Variants in ARL8B observed in about 807,000 individuals in gnomAD.
ARL8B encodes ARF like GTPase 8B, also known as ADP-ribosylation factor-like protein 8B.
A neutral mutation model predicts 30.6 loss-of-function variants in ARL8B; 9 were observed. That is an observed-to-expected ratio of 0.29 (90% confidence interval 0.18 to 0.51). ARL8B has a LOEUF of 0.51. Among genes scored for constraint, ARL8B ranks in the 20% least tolerant of loss-of-function variants. ARL8B has a pLI of 0.97. For missense variants in ARL8B, 130 were observed against 227.2 expected (o/e 0.57, Z 2.75); for synonymous variants, 74 against 76.0 (o/e 0.97, Z 0.14).
intron 1 of ARL8B, among the ~76,000 whole-genome samples, chr3:5,133,322 G>C (rs373456216): frequency 9.2e-5 from 14 of 152,182 alleles, no homozygotes; most frequent in African/African-American, 3.4e-4. Flanking sequence ...CTGTGTTTCC[G>C]AAGGATTAAT....
chr3:5,171,568 G>C (rs1020721777), intron 2 of ARL8B, among the ~76,000 whole-genome samples: 1 of 151,976 alleles, frequency 6.6e-6, no homozygotes, highest in Non-Finnish European at 1.5e-5. Flanking sequence ...GGCTGGTCTC[G>C]AACTCCTGAC....
chr3:5,161,966 A>C (rs1054407267), intron 1 of ARL8B, among the ~76,000 whole-genome samples: 2 of 152,208 alleles, frequency 1.3e-5, no homozygotes, highest in Non-Finnish European at 2.9e-5. Flanking sequence ...AAGTGAGTAC[A>C]TAGAGGCAGA....
At chr3:5,138,519 G>A (rs369127214) in intron 1 of ARL8B, among the ~76,000 whole-genome samples, 1 of 152,120 alleles carries the variant, frequency 6.6e-6, no homozygotes, top group South Asian at 2.1e-4. Flanking sequence ...AATGAGTAAT[G>A]CTGAGCTATT....
chr3:5,148,010 G>T (rs1050027093), intron 1 of ARL8B, among the ~76,000 whole-genome samples: 1 of 151,554 alleles, frequency 6.6e-6, no homozygotes. Context: ...CCCATTTGGG[G>T]TCAACGTTTG....
At chr3:5,152,522 G>C (rs767858486) in intron 1 of ARL8B, among the ~76,000 whole-genome samples, 29 of 152,132 alleles carry the variant, frequency 1.9e-4, no homozygotes, top group Non-Finnish European at 4.1e-4. Flanking sequence ...TTCTTGCTCT[G>C]TTGCCAGGCT....
chr3:5,179,505 A>G lies in ARL8B; in HGVS notation c.*792A>G, dbSNP rs1042255442. Reference sequence around the variant, plus strand: ...CAGGATACTTTTTTAAGGGGTTGAGAATTGAAGATTTTCCAAAAGCGTTCA... The same window carrying G: ...CAGGATACTTTTTTAAGGGGTTGAGGATTGAAGATTTTCCAAAAGCGTTCA... On this transcript the variant is annotated 3_prime_UTR_variant, in exon 7 of 7. Transcript: ENST00000256496. 1.3e-5 allele frequency: 2 copies of G among 152,546 alleles called. No homozygotes were observed. The highest frequency in any genetic ancestry group is 3.9e-4 in the East Asian group (2 of 5,174). The allele number at this position is 152,546 out of a possible 1,614,324, so 9.4% of individuals were successfully genotyped here.
Position 5,179,889 on chromosome 3 carries a change from G to A in ARL8B, c.*1176G>A, listed in dbSNP as rs1037057754. ...TCACACAGAGAACTGAGGAACTGAT[G>A]CTGTTTGTTTGCTTCTATGATACAG... On this transcript the variant is annotated 3_prime_UTR_variant, in exon 7 of 7. Transcript: ENST00000256496. 2 of 152,520 alleles carry A rather than the reference G, an allele frequency of 1.3e-5. No individual in the cohort carries two copies. Among genetic ancestry groups the A allele is most frequent in the Non-Finnish European group, 2.9e-5 (2 of 68,028 alleles). 9.4% of individuals were successfully genotyped at this position (152,520 alleles called of 1,614,324 possible). A position where few individuals can be genotyped will look rare whatever the true frequency, so the allele number is the denominator to read the frequency against.
Position 5,165,461 on chromosome 3 carries a change from T to C in ARL8B, c.124-5042T>C, listed in dbSNP as rs115159003. Among the ~76,000 whole-genome samples the C allele has an allele frequency of 9.1e-3, 1,387 of 152,266 alleles. 18 individuals carry two copies. Among genetic ancestry groups the C allele is most frequent in the African/African-American group, 0.031 (1,295 of 41,544 alleles). On this transcript the variant is annotated intron_variant, in intron 1 of 6. Coordinates refer to ENST00000256496, the MANE Select transcript of ARL8B (RefSeq NM_018184.3). ...GTCATATCCTCTCGTTTGCCCAGTG[T>C]GTGAATTTTGGAATTAAACAATTGA... is the stretch of plus-strand genomic sequence containing the variant.
Position 5,122,548 on chromosome 3 carries a change from T to G in ARL8B, c.83T>G (p.Leu28Arg). 1 of 1,612,366 alleles carries G rather than the reference T, an allele frequency of 6.2e-7. No individual in the cohort carries two copies. The highest frequency in any genetic ancestry group is 8.5e-7 in the Non-Finnish European group (1 of 1,179,278). The change falls in exon 1 of 7, where the codon CTG becomes CGG. Residue 28 changes from leucine (L) to arginine (R), a missense_variant. Transcript: ENST00000256496. ...KEEMELTLVG[L>R]QYSGKTTFVN... is the part of the protein sequence containing the mutation. ...GAGATGGAGCTGACGCTCGTGGGGC[T>G]GCAGTACTCGGGCAAGACCACCTTC...
In ARL8B at chr3:5,178,651, C is replaced by T. The variant is rs1367324989; in HGVS notation, c.512-13C>T. On this transcript the variant is annotated splice_polypyrimidine_tract_variant and intron_variant, in intron 6 of 6. Transcript: ENST00000256496. ...TTAACTTTAATGTCTTCACTTTTCC[C>T]CTCTATCTTTAGATATCACACTTCA... The T allele has an allele frequency of 2.5e-6, 4 of 1,595,148 alleles. No individual in the cohort carries two copies. The highest frequency in any genetic ancestry group is 2.7e-5 in the African/African-American group (2 of 73,882).
At chr3:5,169,740 TTTTCACATATA>T (rs1205708442) in intron 1 of ARL8B, among the ~76,000 whole-genome samples, 4 of 152,218 alleles carry the variant, frequency 2.6e-5, no homozygotes, top group Non-Finnish European at 5.9e-5. Flanking sequence ...AATGACTAGA[TTTTCACATATA>T]ATCACATATG....
intron 1 of ARL8B, among the ~76,000 whole-genome samples, chr3:5,141,507 A>G (rs1230323457): frequency 2.0e-5 from 3 of 152,198 alleles, no homozygotes; most frequent in Admixed American, 1.3e-4. Context: ...AAGTAATACT[A>G]CATCCCACTG....
At chr3:5,159,089 C>T (rs1047600674) in intron 1 of ARL8B, among the ~76,000 whole-genome samples, 1 of 150,186 alleles carries the variant, frequency 6.7e-6, no homozygotes, top group South Asian at 2.1e-4. Context: ...CAAAACCCTA[C>T]ATGCGGGCAT....
Position 5,122,610 on chromosome 3 carries a change from C to T in ARL8B, c.123+22C>T, listed in dbSNP as rs1181253334. 10 of 1,584,648 alleles carry T rather than the reference C, an allele frequency of 6.3e-6. No individual in the cohort carries two copies. The South Asian group carries it at 9.1e-5, about 14-fold the overall frequency. ...CGCGGTGAGCGCCCGCCCACTCACTCGCCCGGGGCTCCGCAGCCAGGAGTC... is the reference window on the plus strand; with the variant it reads ...CGCGGTGAGCGCCCGCCCACTCACTTGCCCGGGGCTCCGCAGCCAGGAGTC... On this transcript the variant is annotated intron_variant, in intron 1 of 6. Transcript: ENST00000256496.
At chr3:5,126,977 G>A (rs114835540) in intron 1 of ARL8B, among the ~76,000 whole-genome samples, 3,334 of 152,250 alleles carry the variant, frequency 0.022, 67 homozygotes, top group Non-Finnish European at 0.034. Flanking sequence ...TTTTTAAATG[G>A]AAGTATAAAA....
chr3:5,151,728 C>CT (rs1317888728), intron 1 of ARL8B, among the ~76,000 whole-genome samples: 1 of 128,492 alleles, frequency 7.8e-6, no homozygotes, highest in Non-Finnish European at 1.7e-5. Context: ...CCCACCCCCC[C>CT]CCTTGGAGAT....
At chr3:5,157,793 G>A (rs2054545811) in intron 1 of ARL8B, 1 of 152,138 alleles carries the variant, frequency 6.6e-6, no homozygotes, top group African/African-American at 2.4e-5. Flanking sequence ...TCCTCTTGGA[G>A]CTTTATCTCT....
chr3:5,161,451 A>G (rs2054579562), intron 1 of ARL8B, among the ~76,000 whole-genome samples: 1 of 152,252 alleles, frequency 6.6e-6, no homozygotes, highest in Admixed American at 6.5e-5. Context: ...ACAGCAGTTA[A>G]GAGTTAAATA....
At chr3:5,170,774 C>G (rs1250939157) in intron 2 of ARL8B, 191 bp downstream of exon 2, 3 of 485,170 alleles carry the variant, frequency 6.2e-6, no homozygotes, top group African/African-American at 6.1e-5. Flanking sequence ...CTCTTTCACC[C>G]AGGCTGGAGT....
Sources: allele counts gnomAD v4.1 joint callset (sites outside exome capture counted in the v4.1 genomes callset), GRCh38; gene constraint gnomAD v4.1.1; transcripts MANE v1.5; gene names NCBI Gene and HGNC (gene_info 2026-07-23, HGNC 2026-07-21).